Variants in KLHL13 observed in about 807,000 individuals in gnomAD.
KLHL13 encodes kelch like family member 13.
In KLHL13, 10 loss-of-function variants were observed where a neutral mutation model predicts 37.1. The ratio of observed to expected loss-of-function variants is 0.27; its 90% CI spans 0.17 to 0.46. The LOEUF is 0.46. KLHL13 is among the 20% of genes least tolerant of loss of function. The pLI is 1.00. For synonymous variants in KLHL13, 163 were observed against 181.2 expected (o/e 0.90, Z 0.81); for missense variants, 360 against 509.3 (o/e 0.71, Z 2.82).
intron 5 of KLHL13, 121 bp downstream of exon 6, chrX:117,909,180 A>T (rs1602534596): frequency 1.6e-6 from 1 of 621,555 alleles, no homozygotes; most frequent in Non-Finnish European, 2.4e-6. Context: ...TCAGAAAAAT[A>T]GTTTTAAAAT....
At chrX:117,962,390 T>C (rs996897680) in intron 1 of KLHL13, among the ~76,000 whole-genome samples, 30 of 109,359 alleles carry the variant, frequency 2.7e-4, no homozygotes, top group Non-Finnish European at 4.2e-4. Context: ...CTAAATATAC[T>C]GACTGGGGTA....
chrX:117,931,044 C>G (rs1302437766), intron 2 of KLHL13, among the ~76,000 whole-genome samples: 1 of 111,854 alleles, frequency 8.9e-6, no homozygotes, highest in Non-Finnish European at 1.9e-5. Context: ...TCAGGATAAA[C>G]ATTCAGAGAA....
intron 1 of KLHL13, among the ~76,000 whole-genome samples, chrX:117,989,980 C>T: frequency 9.0e-6 from 1 of 111,045 alleles, no homozygotes; most frequent in Non-Finnish European, 1.9e-5. Context: ...TAACTCAGTG[C>T]CTGTCACATA....
chrX:117,995,053 C>A (rs1300323164), intron 1 of KLHL13, among the ~76,000 whole-genome samples: 1 of 111,407 alleles, frequency 9.0e-6, no homozygotes, highest in East Asian at 2.8e-4. Flanking sequence ...GTCTCTAAAA[C>A]AATAATAATT....
At chrX:118,074,531 G>A (rs2054908291) in intron 1 of KLHL13, among the ~76,000 whole-genome samples, 1 of 111,738 alleles carries the variant, frequency 8.9e-6, no homozygotes, top group African/African-American at 3.2e-5. Context: ...TGAGCTGGCT[G>A]GAGCAAGATA....
intron 1 of KLHL13, among the ~76,000 whole-genome samples, chrX:118,004,630 A>G (rs1186035266): frequency 8.9e-6 from 1 of 112,615 alleles, no homozygotes; most frequent in Non-Finnish European, 1.9e-5. Context: ...CTATGATTCC[A>G]TATTGATGCA....
chrX:118,071,540 G>T (rs1271153158), intron 1 of KLHL13, among the ~76,000 whole-genome samples: 1 of 110,954 alleles, frequency 9.0e-6, no homozygotes, highest in African/African-American at 3.3e-5. Context: ...GTGTTTTTTG[G>T]CTGCATAAAT....
chrX:117,996,686 T>C (rs1367497860), intron 1 of KLHL13, among the ~76,000 whole-genome samples: 1 of 110,857 alleles, frequency 9.0e-6, no homozygotes, highest in Non-Finnish European at 1.9e-5. Context: ...AAGTGTGATA[T>C]ACCAGGCTTT....
At chrX:118,072,878 G>A (rs1311957979) in intron 1 of KLHL13, among the ~76,000 whole-genome samples, 1 of 110,753 alleles carries the variant, frequency 9.0e-6, no homozygotes, top group Non-Finnish European at 1.9e-5. Context: ...GAAGACACTT[G>A]AGCCCAGGAG....
At chrX:118,065,995 T>C (rs1434503681) in intron 1 of KLHL13, among the ~76,000 whole-genome samples, 1 of 111,995 alleles carries the variant, frequency 8.9e-6, no homozygotes, top group Non-Finnish European at 1.9e-5. Context: ...AAAATTAAAC[T>C]GTGCTTAGAG....
At chrX:118,069,401 CA>C (rs199958677) in intron 1 of KLHL13, among the ~76,000 whole-genome samples, 702 of 20,641 alleles carry the variant, frequency 0.034, 7 homozygotes, top group African/African-American at 0.098. Context: ...TCGTTTTTAA[CA>C]AAAAAAAGTT....
At chrX:118,013,915 C>A (rs181214553) in intron 1 of KLHL13, among the ~76,000 whole-genome samples, 10 of 112,536 alleles carry the variant, frequency 8.9e-5, no homozygotes, top group Admixed American at 4.7e-4. Context: ...TTTGTGACTT[C>A]CTCAATCAAT....
intron 2 of KLHL13, 58 bp downstream of exon 3, chrX:117,945,376 A>G: frequency 8.8e-7 from 1 of 1,133,053 alleles, no homozygotes; most frequent in Non-Finnish European, 1.2e-6. Flanking sequence ...GCATCACAAA[A>G]TCCATGGTGG....
At chrX:118,033,129 A>T (rs939596445) in intron 1 of KLHL13, among the ~76,000 whole-genome samples, 16 of 111,416 alleles carry the variant, frequency 1.4e-4, no homozygotes, top group Non-Finnish European at 3.0e-4. Context: ...TGTACCTGAA[A>T]GTGAGGGGGG....
chrX:118,030,111 G>GA (rs2054320005), intron 1 of KLHL13, among the ~76,000 whole-genome samples: 1 of 109,913 alleles, frequency 9.1e-6, no homozygotes, highest in Non-Finnish European at 1.9e-5. Flanking sequence ...AATAGAAGAG[G>GA]AAAAAAAACT....
intron 1 of KLHL13, among the ~76,000 whole-genome samples, chrX:118,073,323 G>C (rs2054892405): frequency 9.0e-6 from 1 of 110,965 alleles, no homozygotes; most frequent in Non-Finnish European, 1.9e-5. Flanking sequence ...ATGGCAGCAG[G>C]CAAAAAGAGA....
intron 1 of KLHL13, among the ~76,000 whole-genome samples, chrX:118,030,660 T>C (rs901877764): frequency 1.8e-5 from 2 of 111,993 alleles, no homozygotes; most frequent in Non-Finnish European, 3.8e-5. Context: ...ATTAATGCCA[T>C]TATCATGGGA....
In KLHL13 at chrX:118,088,596, C is replaced by T. The variant is rs376855524; in HGVS notation, c.-56+27912G>A. 7.2e-5 allele frequency among the ~76,000 whole-genome samples: 8 copies of T among 111,872 alleles called. No individual in the cohort carries two copies. In the South Asian group the frequency reaches 1.5e-3, roughly 21 times the overall value. On this transcript the variant is annotated intron_variant, in intron 1 of 6. Coordinates refer to the KLHL13 transcript ENST00000371882. ...CCTACATAATGATAACTTTAAATAA[C>T]TCTATTGACAAAGCAGCAAAATAGA...
At chrX:118,008,250 C>A (rs1380649123) in intron 1 of KLHL13, among the ~76,000 whole-genome samples, 1 of 111,716 alleles carries the variant, frequency 9.0e-6, no homozygotes, top group Non-Finnish European at 1.9e-5. Flanking sequence ...AAATAAAAGA[C>A]TGAAAAAGGA....
Sources: gnomAD v4.1 joint callset for allele counts (sites outside exome capture counted in the v4.1 genomes callset) on GRCh38, gnomAD v4.1.1 for gene constraint, MANE v1.5 for transcripts, NCBI Gene and HGNC (gene_info 2026-07-23, HGNC 2026-07-21) for gene names.